THEM4: variants seen among roughly 807,000 people sequenced by gnomAD.
THEM4 encodes acyl-coenzyme A thioesterase THEM4.
A neutral mutation model predicts 25.0 loss-of-function variants in THEM4; 22 were observed. The ratio of observed to expected loss-of-function variants is 0.88; its 90% CI spans 0.63 to 1.26. The LOEUF is 1.26. THEM4 is among the 50% of genes most tolerant of loss of function. The pLI is 0.00. For missense variants in THEM4, 286 were observed against 300.3 expected (o/e 0.95, Z 0.35); for synonymous variants, 113 against 105.6 (o/e 1.07, Z -0.43).
At chr1:151,884,723 C>CT in intron 4 of THEM4, among the ~76,000 whole-genome samples, 1 of 148,006 alleles carries the variant, frequency 6.8e-6, no homozygotes, top group South Asian at 2.1e-4. Flanking sequence ...GAGTCTCACT[C>CT]TGTCGCCCAG....
intron 4 of THEM4, among the ~76,000 whole-genome samples, chr1:151,878,891 T>TACACACACACACACACACACAC (rs55900104): frequency 4.8e-4 from 67 of 138,638 alleles, no homozygotes; most frequent in African/African-American, 1.7e-3. Context: ...TATATGTCTA[T>TACACACACACACACACACACAC]ACACACACAC....
Position 151,888,307 on chromosome 1 carries a change from C to T in THEM4, c.523G>A (p.Val175Ile), listed in dbSNP as rs373304831. Residue 175 changes from valine (V) to isoleucine (I), a missense_variant, in exon 4 of 6, where the codon GTC (valine) becomes ATC (isoleucine). Transcript: ENST00000368814. ...GMCAMMAGGIVMTANLNINYK... is the reference protein window; with the variant it reads ...GMCAMMAGGIIMTANLNINYK... ...TTGATGTTGAGATTGGCAGTCATGACGATTCCCCCAGCCATCATTGCACAC... is the reference window on the plus strand; with the variant it reads ...TTGATGTTGAGATTGGCAGTCATGATGATTCCCCCAGCCATCATTGCACAC... The T allele has an allele frequency of 1.7e-5, 28 of 1,613,228 alleles. No individual in the cohort carries two copies. The highest frequency in any genetic ancestry group is 1.6e-4 in the Middle Eastern group (1 of 6,078).
chr1:151,878,953 A>T (rs1653749681), intron 4 of THEM4, among the ~76,000 whole-genome samples: 1 of 134,022 alleles, frequency 7.5e-6, no homozygotes, highest in Admixed American at 7.6e-5. Context: ...CAAAGCCAAA[A>T]GATAACTCTT....
At chr1:151,887,834 C>T (rs967548981) in intron 4 of THEM4, among the ~76,000 whole-genome samples, 2 of 152,168 alleles carry the variant, frequency 1.3e-5, no homozygotes, top group Admixed American at 1.3e-4. Flanking sequence ...GTTGGTGCTC[C>T]ACCCAGAGCC....
chr1:151,877,251 C>T (rs748791532), intron 4 of THEM4, 126 bp from the exon 5 acceptor site: 3 of 958,148 alleles, frequency 3.1e-6, no homozygotes, highest in Admixed American at 3.0e-5. Flanking sequence ...CACTGACTGC[C>T]TTAGACAATA....
chr1:151,901,641 G>A (rs1022212288), intron 1 of THEM4, among the ~76,000 whole-genome samples: 9 of 152,222 alleles, frequency 5.9e-5, no homozygotes, highest in Non-Finnish European at 1.2e-4. Flanking sequence ...TCAGGAGTTC[G>A]AGATCAGCCT....
chr1:151,901,715 C>T (rs1220417720), intron 1 of THEM4, among the ~76,000 whole-genome samples: 11 of 151,962 alleles, frequency 7.2e-5, no homozygotes, highest in Admixed American at 3.3e-4. Context: ...TGGTGGCATG[C>T]GCCTGTAATC....
Position 151,894,974 on chromosome 1 carries a change from T to C in THEM4, c.286+34A>G, listed in dbSNP as rs149567792. Reference sequence around the variant, plus strand: ...CTGTTCTTAGCTTTATATTTGATGCTCAGATATATTAATGGGAAAGTGGCT... The same window carrying C: ...CTGTTCTTAGCTTTATATTTGATGCCCAGATATATTAATGGGAAAGTGGCT... On this transcript the variant is annotated intron_variant, in intron 2 of 5. Transcript: ENST00000368814. 5.9e-4 allele frequency: 941 copies of C among 1,600,536 alleles called. 2 individuals are homozygous for C. The African/African-American group carries it at 9.4e-3, about 16-fold the overall frequency.
At chr1:151,906,226 C>G (rs955541381) in intron 1 of THEM4, among the ~76,000 whole-genome samples, 2 of 152,226 alleles carry the variant, frequency 1.3e-5, no homozygotes, top group Admixed American at 6.5e-5. Context: ...GCCCTGCACT[C>G]GGAGCAGCCA....
intron 4 of THEM4, among the ~76,000 whole-genome samples, chr1:151,885,642 T>C (rs1653951488): frequency 6.6e-6 from 1 of 152,248 alleles, no homozygotes; most frequent in Admixed American, 6.5e-5. Context: ...AGAAATCGAA[T>C]CAGGAGCTTC....
chr1:151,898,019 TA>T (rs1322337173), intron 1 of THEM4, among the ~76,000 whole-genome samples: 1 of 151,994 alleles, frequency 6.6e-6, no homozygotes, highest in Non-Finnish European at 1.5e-5. Flanking sequence ...GAGCAGGGGG[TA>T]AAATTCCACA....
At chr1:151,876,903 G>C in intron 5 of THEM4, 98 bp downstream of exon 5, 1 of 1,438,232 alleles carries the variant, frequency 7.0e-7, no homozygotes, top group African/African-American at 1.4e-5. Context: ...ACACCCCCCT[G>C]ACCCCCACAA....
intron 4 of THEM4, among the ~76,000 whole-genome samples, 156 bp from the exon 5 acceptor site, chr1:151,877,281 C>T (rs1208021720): frequency 6.6e-6 from 1 of 152,168 alleles, no homozygotes; most frequent in African/African-American, 2.4e-5. Context: ...AGGACTCTGA[C>T]ACCAACAGCC....
intron 1 of THEM4, among the ~76,000 whole-genome samples, chr1:151,907,965 G>A (rs1031295161): frequency 2.6e-5 from 4 of 152,112 alleles, no homozygotes; most frequent in Admixed American, 2.0e-4. Context: ...CCAAGGCGCC[G>A]GCATGGCTGG....
intron 5 of THEM4, 111 bp downstream of exon 5, chr1:151,876,889 CA>C: frequency 6.6e-6 from 9 of 1,353,516 alleles, no homozygotes; most frequent in Non-Finnish European, 7.9e-6. Context: ...CAAACCAAAC[CA>C]AAACACCCCC....
Position 151,874,857 on chromosome 1 carries a change from C to T in THEM4, c.*31G>A, listed in dbSNP as rs148860038. The stretch of plus-strand genomic sequence containing the variant: ...GGGACAACTGCTTCTTCTGGAGGGG[C>T]GAGAATGAGATGGAGTTCACCAGCA... On this transcript the variant is annotated 3_prime_UTR_variant, in exon 6 of 6. Coordinates refer to ENST00000368814, the MANE Select transcript of THEM4 (RefSeq NM_053055.5). The T allele has an allele frequency of 9.9e-6, 16 of 1,608,758 alleles. No homozygotes were observed. Among genetic ancestry groups the T allele is most frequent in the South Asian group, 1.1e-5 (1 of 90,960 alleles).
chr1:151,884,543 C>T (rs1370735190), intron 4 of THEM4, among the ~76,000 whole-genome samples: 2 of 152,184 alleles, frequency 1.3e-5, no homozygotes, highest in Non-Finnish European at 2.9e-5. Context: ...ATGTTCTGAC[C>T]TTTACCAGCA....
intron 4 of THEM4, among the ~76,000 whole-genome samples, chr1:151,883,589 T>C (rs984191389): frequency 6.6e-6 from 1 of 152,006 alleles, no homozygotes; most frequent in African/African-American, 2.4e-5. Context: ...ATATCAGAAT[T>C]ATAAAATGTC....
chr1:151,889,203 A>G lies in THEM4; in HGVS notation c.446+11T>C. The G allele has an allele frequency of 1.9e-6, 3 of 1,611,444 alleles. No individual in the cohort carries two copies. The highest frequency in any genetic ancestry group is 1.7e-6 in the Non-Finnish European group (2 of 1,179,358). On this transcript the variant is annotated intron_variant, in intron 3 of 5. Coordinates refer to ENST00000368814, the MANE Select transcript of THEM4 (RefSeq NM_053055.5). ...TCTTTTAGATCCACACTTTCAGGCT[A>G]TCATTCTTACCCAGGTGGTCCTTCC... is the stretch of plus-strand genomic sequence containing the variant.
Sources: allele counts gnomAD v4.1 joint callset (sites outside exome capture counted in the v4.1 genomes callset), GRCh38; gene constraint gnomAD v4.1.1; transcripts MANE v1.5; gene names NCBI Gene and HGNC (gene_info 2026-07-23, HGNC 2026-07-21).